The following KIF2A variants were observed in gnomAD, a reference collection of about 807,000 sequenced individuals.
KIF2A encodes kinesin-like protein KIF2A.
In KIF2A, 22 loss-of-function variants were observed where a neutral mutation model predicts 100.2. That is an observed-to-expected ratio of 0.22 (90% CI 0.16 to 0.31). KIF2A has a LOEUF of 0.31. Among genes scored for constraint, KIF2A ranks in the 10% least tolerant of loss-of-function variants. The pLI is 1.00. For synonymous variants in KIF2A, 268 were observed against 285.9 expected (o/e 0.94, Z 0.63); for missense variants, 495 against 898.7 (o/e 0.55, Z 5.74).
rs890580100 is a variant in KIF2A, at chr5:62,361,688, A to G, written c.1027+159A>G. On this transcript the variant is annotated intron_variant, in intron 11 of 20. Transcript: ENST00000407818. ...ATTAGATTGCTTGAAAAGAACTATA[A>G]GATTATATATTCACAATAATTTTTT... Among the ~76,000 whole-genome samples the G allele has an allele frequency of 2.0e-5, 3 of 150,626 alleles. No homozygotes were observed. In the Admixed American group the frequency reaches 2.0e-4, roughly 10 times the overall value.
rs763169283 is a variant in KIF2A at position 62,390,861 on chromosome 5, C to T, written c.*5292C>T. 1 of 1,607,026 alleles carries T rather than the reference C, an allele frequency of 6.2e-7. No individual in the cohort carries two copies. The highest frequency in any genetic ancestry group is 1.1e-5 in the South Asian group (1 of 90,890). ...AAAGAAATGTAAACACTTAGGAAAA[C>T]AAAAATGTAATTACCTGATGAAGTC... On this transcript the variant is annotated 3_prime_UTR_variant, in exon 21 of 21. Coordinates refer to ENST00000407818, the MANE Select transcript of KIF2A (RefSeq NM_001098511.3).
chr5:62,350,136 A>G lies in KIF2A; in HGVS notation c.334+16A>G, dbSNP rs773162298. ...GATAATAGAGGTAAAGTAAAAATTTATCTCTTAATTTTGGCTATTGACTTC... is the reference window on the plus strand; with the variant it reads ...GATAATAGAGGTAAAGTAAAAATTTGTCTCTTAATTTTGGCTATTGACTTC... On this transcript the variant is annotated intron_variant, in intron 4 of 20. Transcript: ENST00000407818. 6.0e-6 allele frequency: 9 copies of G among 1,497,642 alleles called. No individual in the cohort carries two copies. Among genetic ancestry groups the G allele is most frequent in the Admixed American group, 6.0e-5 (3 of 50,208 alleles). The allele number at this position is 1,497,642 out of a possible 1,614,324, so 92.8% of individuals were successfully genotyped here.
At chr5:62,338,141 A>G (rs1287675677) in intron 1 of KIF2A, among the ~76,000 whole-genome samples, 2 of 152,212 alleles carry the variant, frequency 1.3e-5, no homozygotes, top group African/African-American at 2.4e-5. Context: ...AAACTCATGC[A>G]TGTATGCTTG....
intron 1 of KIF2A, among the ~76,000 whole-genome samples, chr5:62,307,760 G>A (rs754852119): frequency 1.3e-5 from 2 of 151,916 alleles, no homozygotes; most frequent in Non-Finnish European, 2.9e-5. Context: ...TGGGATTACA[G>A]GCGTTGTCAC....
rs550575418 is a variant in KIF2A, at chr5:62,384,726, G to A, written c.2150-758G>A. ...AGAGCAGTACATGACCAGAAAATGCGTAAAATCAAGAAATATATCATTTAG... is the reference window on the plus strand; with the variant it reads ...AGAGCAGTACATGACCAGAAAATGCATAAAATCAAGAAATATATCATTTAG... On this transcript the variant is annotated intron_variant, in intron 20 of 20. Transcript: ENST00000407818. 2.4e-4 allele frequency among the ~76,000 whole-genome samples: 36 copies of A among 152,284 alleles called. No homozygotes were observed. In the South Asian group the frequency reaches 5.8e-3, roughly 25 times the overall value.
At chr5:62,318,683 TC>T (rs1244019593) in intron 1 of KIF2A, among the ~76,000 whole-genome samples, 1 of 152,184 alleles carries the variant, frequency 6.6e-6, no homozygotes, top group East Asian at 1.9e-4. Flanking sequence ...GGTGCTTCTT[TC>T]CCCATTCTCT....
chr5:62,346,593 A>C (rs1488590684), intron 1 of KIF2A, among the ~76,000 whole-genome samples: 3 of 152,132 alleles, frequency 2.0e-5, no homozygotes, highest in Non-Finnish European at 2.9e-5. Context: ...TACTAAAATT[A>C]GCTGGGTGTG....
intron 1 of KIF2A, chr5:62,308,536 GTGTGTGTGTATACGTTTA>G: frequency 1.4e-6 from 1 of 703,122 alleles, no homozygotes; most frequent in South Asian, 1.5e-5. Flanking sequence ...AAGAAATTAT[GTGTGTGTGTATACGTTTA>G]TGTGTGTGTA....
intron 20 of KIF2A, among the ~76,000 whole-genome samples, chr5:62,384,318 A>C (rs1343476490): frequency 1.3e-5 from 2 of 152,230 alleles, no homozygotes; most frequent in Non-Finnish European, 2.9e-5. Flanking sequence ...TCAAAATTTC[A>C]AAAAAGTTAA....
At chr5:62,383,730 A>G (rs1226600491) in intron 20 of KIF2A, among the ~76,000 whole-genome samples, 6 of 152,214 alleles carry the variant, frequency 3.9e-5, no homozygotes, top group South Asian at 4.1e-4. Context: ...CTAATCTGCA[A>G]TAATTCACAA....
chr5:62,346,298 A>G (rs1258184074), intron 1 of KIF2A, among the ~76,000 whole-genome samples: 1 of 152,208 alleles, frequency 6.6e-6, no homozygotes, highest in Non-Finnish European at 1.5e-5. Context: ...ATTTGGATAG[A>G]CAACATATAG....
In KIF2A at chr5:62,386,586, T is replaced by C. The variant is rs373082716; in HGVS notation, c.*1017T>C. Among the ~76,000 whole-genome samples the C allele has an allele frequency of 2.0e-5, 3 of 152,334 alleles. No individual in the cohort carries two copies. In the East Asian group the frequency reaches 5.8e-4, roughly 29 times the overall value. On this transcript the variant is annotated 3_prime_UTR_variant, in exon 21 of 21. Coordinates refer to ENST00000407818, the MANE Select transcript of KIF2A (RefSeq NM_001098511.3). ...TGAACATTTACATGTACATTGAAAG[T>C]AGTCCATAATAGAAGTTAGTTTAAG...
rs181975353 is a variant in KIF2A at position 62,390,629 on chromosome 5, C to G, written c.*5060C>G. Among the ~76,000 whole-genome samples, 9 of 152,228 alleles carry G rather than the reference C, an allele frequency of 5.9e-5. No homozygotes were observed. The highest frequency in any genetic ancestry group is 1.3e-4 in the Admixed American group (2 of 15,270). ...GCACACCACATTGGAACCTGCACAC[C>G]ACATTAACACAAAGGCAATCTTCTG... On this transcript the variant is annotated 3_prime_UTR_variant, in exon 21 of 21. Coordinates refer to ENST00000407818, the MANE Select transcript of KIF2A (RefSeq NM_001098511.3).
chr5:62,327,526 C>A (rs766394528), intron 1 of KIF2A, among the ~76,000 whole-genome samples: 13 of 152,184 alleles, frequency 8.5e-5, no homozygotes, highest in Non-Finnish European at 1.9e-4. Flanking sequence ...CAACTTCAGT[C>A]TATTAGAGAG....
chr5:62,344,859 C>T (rs1464671791), intron 1 of KIF2A, among the ~76,000 whole-genome samples: 1 of 152,214 alleles, frequency 6.6e-6, no homozygotes, highest in Non-Finnish European at 1.5e-5. Flanking sequence ...ACCAGTATAT[C>T]ATTTGAGAGT....
intron 18 of KIF2A, among the ~76,000 whole-genome samples, chr5:62,375,207 T>G (rs1333909807): frequency 1.3e-5 from 2 of 152,230 alleles, no homozygotes; most frequent in African/African-American, 4.8e-5. Flanking sequence ...TTTAATGTAT[T>G]GAGAGGGTTC....
chr5:62,355,346 A>G (rs533273801), intron 7 of KIF2A, 92 bp downstream of exon 7: 21 of 668,748 alleles, frequency 3.1e-5, no homozygotes, highest in African/African-American at 2.2e-4. Context: ...GTGTTCAGCT[A>G]TGTAGTTTTT....
chr5:62,361,400 G>C lies in KIF2A; in HGVS notation c.964-66G>C. The C allele has an allele frequency of 2.8e-6, 4 of 1,437,844 alleles. No individual in the cohort carries two copies. In the South Asian group the frequency reaches 4.7e-5, roughly 17 times the overall value. The allele number at this position is 1,437,844 out of a possible 1,614,324, so 89.1% of individuals were successfully genotyped here. On this transcript the variant is annotated intron_variant, in intron 10 of 20. Coordinates refer to ENST00000407818, the MANE Select transcript of KIF2A (RefSeq NM_001098511.3). ...TTTCTTTTCCTTATAGCTTAATTCT[G>C]TGAACTAAATTCTTAAGAGTTATTC...
Position 62,387,950 on chromosome 5 carries a change from A to C in KIF2A, c.*2381A>C, listed in dbSNP as rs1010795793. 4.6e-5 allele frequency: 7 copies of C among 152,134 alleles called. No homozygotes were observed. Among genetic ancestry groups the C allele is most frequent in the African/African-American group, 9.6e-5 (4 of 41,452 alleles). 9.4% of individuals were successfully genotyped at this position (152,134 alleles called of 1,614,324 possible). A position where few individuals can be genotyped will look rare whatever the true frequency, so the allele number is the denominator to read the frequency against. Reference sequence around the variant, plus strand: ...TAAGTTAGGTATTAAAAAAAGCCAAATATCAATAAAGATATTTTTATTAAT... The same window carrying C: ...TAAGTTAGGTATTAAAAAAAGCCAACTATCAATAAAGATATTTTTATTAAT... On this transcript the variant is annotated 3_prime_UTR_variant, in exon 21 of 21. Coordinates refer to ENST00000407818, the MANE Select transcript of KIF2A (RefSeq NM_001098511.3).
Sources: allele counts gnomAD v4.1 joint callset (sites outside exome capture counted in the v4.1 genomes callset), GRCh38; gene constraint gnomAD v4.1.1; transcripts MANE v1.5; gene names NCBI Gene and HGNC (gene_info 2026-07-23, HGNC 2026-07-21).